The following RASEF variants were observed in gnomAD, a reference collection of about 807,000 sequenced individuals.
RASEF encodes ras and EF-hand domain-containing protein.
Under a neutral mutation model 90.1 loss-of-function variants are expected in RASEF, and 68 were observed. The ratio of observed to expected loss-of-function variants is 0.75; its 90% CI spans 0.62 to 0.92. RASEF has a LOEUF of 0.92. Among genes scored for constraint, RASEF ranks in the 40% least tolerant of loss-of-function variants. RASEF has a pLI of 0.00. For synonymous variants in RASEF, 331 were observed against 345.2 expected, an observed-to-expected ratio of 0.96 and a Z score of 0.46; for missense variants, 949 against 937.2, an observed-to-expected ratio of 1.01 and a Z score of -0.16.
At chr9:83,054,637 C>G (rs2117877329) in intron 1 of RASEF, 1 of 149,408 alleles carries the variant, frequency 6.7e-6, no homozygotes. Context: ...TTTAGAGTTT[C>G]CAGTTTTTCT....
chr9:83,182,121 G>A, the RASEF span, among the ~76,000 whole-genome samples: 1 of 152,144 alleles, frequency 6.6e-6, no homozygotes, highest in African/African-American at 2.4e-5. Context: ...CTGTAACCAT[G>A]CGGTAGCTCT....
chr9:83,192,867 A>C, the RASEF span, among the ~76,000 whole-genome samples: 5 of 152,206 alleles, frequency 3.3e-5, no homozygotes, highest in African/African-American at 9.7e-5. Context: ...ATTTCATGCT[A>C]ATATGCAAAC....
At chr9:83,115,679 C>G in the RASEF span, among the ~76,000 whole-genome samples, 1 of 152,158 alleles carries the variant, frequency 6.6e-6, no homozygotes, top group Non-Finnish European at 1.5e-5. Flanking sequence ...CTTTGGAAAT[C>G]TAGCCTAAAT....
chr9:82,999,581 C>T (rs901282323), intron 12 of RASEF, among the ~76,000 whole-genome samples: 14 of 151,876 alleles, frequency 9.2e-5, no homozygotes, highest in Middle Eastern at 6.8e-3. Context: ...TGATTCAATT[C>T]ATCTGATTGG....
intron 3 of RASEF, among the ~76,000 whole-genome samples, chr9:83,018,460 G>A (rs914094472): frequency 2.6e-5 from 4 of 152,018 alleles, no homozygotes; most frequent in African/African-American, 9.7e-5. Context: ...AGAAGACATA[G>A]AGAGAGAAAT....
the RASEF span, among the ~76,000 whole-genome samples, chr9:83,143,097 T>A: frequency 6.6e-6 from 1 of 152,194 alleles, no homozygotes; most frequent in African/African-American, 2.4e-5. Context: ...GCTGAAGTCA[T>A]GATCTGTCCT....
chr9:83,118,164 G>C, the RASEF span, among the ~76,000 whole-genome samples: 1 of 152,066 alleles, frequency 6.6e-6, no homozygotes, highest in Admixed American at 6.6e-5. Context: ...ATGTAAATGA[G>C]AAGTTTAACA....
At chr9:83,076,100 G>A in the RASEF span, among the ~76,000 whole-genome samples, 4 of 150,576 alleles carry the variant, frequency 2.7e-5, no homozygotes, top group East Asian at 2.0e-4. Context: ...CCAGGGAGTC[G>A]AAAGTTGCAG....
At chr9:83,096,699 T>C in the RASEF span, among the ~76,000 whole-genome samples, 1 of 152,148 alleles carries the variant, frequency 6.6e-6, no homozygotes, top group East Asian at 1.9e-4. Context: ...GTTACATATG[T>C]ATACATGTGC....
At chr9:83,159,345 A>T in the RASEF span, among the ~76,000 whole-genome samples, 1 of 152,182 alleles carries the variant, frequency 6.6e-6, no homozygotes, top group African/African-American at 2.4e-5. Context: ...TTTACGAACA[A>T]GTCCCCTAAG....
At chr9:83,205,658 G>C in the RASEF span, among the ~76,000 whole-genome samples, 1 of 151,952 alleles carries the variant, frequency 6.6e-6, no homozygotes, top group African/African-American at 2.4e-5. Flanking sequence ...CTCTGGAGTA[G>C]GCATCTCTTC....
intron 1 of RASEF, among the ~76,000 whole-genome samples, chr9:83,027,994 C>A (rs762674881): frequency 1.3e-5 from 2 of 152,112 alleles, no homozygotes; most frequent in Admixed American, 1.3e-4. Flanking sequence ...AGGCTGTGAC[C>A]GGGTTGTGAC....
chr9:83,114,630 C>T, the RASEF span, among the ~76,000 whole-genome samples: 1 of 152,156 alleles, frequency 6.6e-6, no homozygotes, highest in African/African-American at 2.4e-5. Context: ...GAGGGTAGGC[C>T]TCTGAAATGG....
At chr9:83,128,532 C>T in the RASEF span, among the ~76,000 whole-genome samples, 1 of 147,020 alleles carries the variant, frequency 6.8e-6, no homozygotes. Context: ...CCCATAAAAA[C>T]CCTGGACCCA....
At chr9:83,057,213 A>G (rs947350355) in intron 1 of RASEF, among the ~76,000 whole-genome samples, 2 of 152,210 alleles carry the variant, frequency 1.3e-5, no homozygotes, top group African/African-American at 2.4e-5. Flanking sequence ...AGAAAGAAAT[A>G]AACCCATCCA....
At chr9:83,186,061 T>C in the RASEF span, among the ~76,000 whole-genome samples, 1 of 152,302 alleles carries the variant, frequency 6.6e-6, no homozygotes, top group Non-Finnish European at 1.5e-5. Flanking sequence ...GTGATAAGTA[T>C]AGGGGCTGCC....
At position 83,000,210 on chromosome 9, in the gene RASEF, A is replaced by T; in HGVS notation, c.1682T>A (p.Leu561His). 6.2e-7 allele frequency: 1 copy of T among 1,614,028 alleles called. No individual in the cohort carries two copies. The highest frequency in any genetic ancestry group is 8.5e-7 in the Non-Finnish European group (1 of 1,179,988). The change falls in exon 12 of 17, where the codon CTT becomes CAT. Residue 561 changes from leucine to histidine, a missense_variant. Transcript: ENST00000376447. ...AVGKSSFLMRLCKNEFRENIS... is the reference protein window; with the variant it reads ...AVGKSSFLMRHCKNEFRENIS... ...ATTTTCTCGAAATTCATTCTTGCAAAGTCTCATGAGGAAACTAGACTTCCC... is the reference window on the plus strand; with the variant it reads ...ATTTTCTCGAAATTCATTCTTGCAATGTCTCATGAGGAAACTAGACTTCCC...
chr9:82,992,854 A>G (rs1445273481), intron 15 of RASEF, 52 bp downstream of exon 15: 2 of 1,586,542 alleles, frequency 1.3e-6, no homozygotes, highest in Non-Finnish European at 1.7e-6. Context: ...ACCGACTTCA[A>G]AGCCATTAAA....
the RASEF span, among the ~76,000 whole-genome samples, chr9:83,145,679 A>G: frequency 4.6e-5 from 7 of 152,156 alleles, no homozygotes; most frequent in South Asian, 8.3e-4. Context: ...AATACCTACA[A>G]TTCAGTAAGA....
Sources: allele counts gnomAD v4.1 joint callset (sites outside exome capture counted in the v4.1 genomes callset), GRCh38; gene constraint gnomAD v4.1.1; transcripts MANE v1.5; gene names NCBI Gene and HGNC (gene_info 2026-07-23, HGNC 2026-07-21).